Variants in ANKRD28 observed in about 807,000 individuals in gnomAD.
The protein encoded by ANKRD28 is ankyrin repeat domain 28, also known as serine/threonine-protein phosphatase 6 regulatory ankyrin repeat subunit A.
A neutral mutation model predicts 126.5 loss-of-function variants in ANKRD28; 44 were observed. The observed-to-expected ratio is 0.35, with a 90% confidence interval of 0.27 to 0.45. ANKRD28 has a LOEUF of 0.45. ANKRD28 is among the 20% of genes least tolerant of loss of function. ANKRD28 has a pLI of 1.00. For synonymous variants in ANKRD28, 442 were observed against 468.5 expected (o/e 0.94, Z 0.73); for missense variants, 1,110 against 1,316.6 (o/e 0.84, Z 2.43).
intron 4 of ANKRD28, among the ~76,000 whole-genome samples, chr3:15,742,859 C>T (rs1159803908): frequency 1.4e-5 from 2 of 147,468 alleles, no homozygotes; most frequent in Non-Finnish European, 3.0e-5. Flanking sequence ...CCAGCCACCA[C>T]CCCGTCTGGG....
intron 3 of ANKRD28, among the ~76,000 whole-genome samples, chr3:15,760,985 C>A (rs1559486612): frequency 6.6e-6 from 1 of 152,026 alleles, no homozygotes. Flanking sequence ...ACAAGTCAGA[C>A]ATAATAAAAA....
At chr3:15,746,662 G>A (rs887900838) in intron 4 of ANKRD28, among the ~76,000 whole-genome samples, 3 of 152,098 alleles carry the variant, frequency 2.0e-5, no homozygotes, top group African/African-American at 4.8e-5. Flanking sequence ...AGGGATATTG[G>A]TCTGTGGTTT....
intron 27 of ANKRD28, among the ~76,000 whole-genome samples, chr3:15,673,997 G>A (rs1302379590): frequency 4.0e-5 from 6 of 151,470 alleles, no homozygotes; most frequent in African/African-American, 1.5e-4. Flanking sequence ...ACAATATAGT[G>A]AGAGTCTGTC....
At chr3:15,852,173 CAATTT>C (rs1244112328) in intron 1 of ANKRD28, among the ~76,000 whole-genome samples, 5 of 152,118 alleles carry the variant, frequency 3.3e-5, no homozygotes, top group Non-Finnish European at 5.9e-5. Context: ...CTTAATTGTA[CAATTT>C]AAGTTTGTGT....
intron 17 of ANKRD28, among the ~76,000 whole-genome samples, chr3:15,692,047 GA>G (rs2068870822): frequency 6.6e-6 from 1 of 151,422 alleles, no homozygotes; most frequent in Non-Finnish European, 1.5e-5. Context: ...GGCTGAGGCG[GA>G]AGTATCACTT....
chr3:15,809,693 T>G (rs1195084184), intron 1 of ANKRD28, among the ~76,000 whole-genome samples: 1 of 152,140 alleles, frequency 6.6e-6, no homozygotes, highest in African/African-American at 2.4e-5. Context: ...ACTTTTGCAT[T>G]TAAGCCAATT....
intron 1 of ANKRD28, among the ~76,000 whole-genome samples, chr3:15,821,885 T>C (rs1401918888): frequency 6.6e-6 from 1 of 152,190 alleles, no homozygotes; most frequent in Non-Finnish European, 1.5e-5. Context: ...CTTGTCTTTG[T>C]TCCACCATGC....
At chr3:15,741,866 G>A (rs1217878153) in intron 4 of ANKRD28, among the ~76,000 whole-genome samples, 2 of 151,954 alleles carry the variant, frequency 1.3e-5, no homozygotes, top group Admixed American at 1.3e-4. Flanking sequence ...CCTGCCGAGT[G>A]CCTGCGATTG....
At chr3:15,859,575 G>GGCCGCCCGCC (rs2061861071) in exon 1 of ANKRD28, 1 of 300,628 alleles carries the variant, frequency 3.3e-6, no homozygotes, top group African/African-American at 2.6e-5. Context: ...CCGCCTCCCC[G>GGCCGCCCGCC]GCCGCCCGCC....
At chr3:15,734,187 T>G (rs569860770) in intron 6 of ANKRD28, among the ~76,000 whole-genome samples, 1 of 152,164 alleles carries the variant, frequency 6.6e-6, no homozygotes, top group African/African-American at 2.4e-5. Context: ...ATGCAAGGAT[T>G]TGGGTATAAG....
intron 1 of ANKRD28, among the ~76,000 whole-genome samples, chr3:15,856,729 C>T (rs1352110292): frequency 6.6e-6 from 1 of 152,204 alleles, no homozygotes; most frequent in Non-Finnish European, 1.5e-5. Context: ...GCTATGAGAA[C>T]AAATTGCTTT....
At position 15,720,980 on chromosome 3, in the gene ANKRD28, C is replaced by A; in HGVS notation, c.931G>T (p.Ala311Ser). 6.2e-7 allele frequency: 1 copy of A among 1,613,898 alleles called. No homozygotes were observed. Among genetic ancestry groups the A allele is most frequent in the Non-Finnish European group, 8.5e-7 (1 of 1,179,838 alleles). Residue 311 changes from alanine to serine, a missense_variant, in exon 8 of 28, where the codon GCA (alanine) becomes TCA (serine). Physicochemically the swap from Ala to Ser is moderately conservative, Grantham distance 99 (BLOSUM62 1). Coordinates refer to ENST00000683139, the MANE Select transcript of ANKRD28 (RefSeq NM_001349278.2). ...KGFTPLHFAA[A>S]STHGALCLEL... is the part of the protein sequence containing the mutation. ...AAACACAATGCTCCATGTGTTGATGCAGCAGCAAAGTGCAAAGGAGTAAAT... is the reference window on the plus strand; with the variant it reads ...AAACACAATGCTCCATGTGTTGATGAAGCAGCAAAGTGCAAAGGAGTAAAT...
At chr3:15,724,074 T>C (rs1182786464) in intron 7 of ANKRD28, among the ~76,000 whole-genome samples, 2 of 152,166 alleles carry the variant, frequency 1.3e-5, no homozygotes, top group African/African-American at 4.8e-5. Context: ...TATCTAATAA[T>C]ACAAGTGTGT....
chr3:15,769,521 AG>A (rs149069069), intron 2 of ANKRD28, among the ~76,000 whole-genome samples: 106 of 152,348 alleles, frequency 7.0e-4, no homozygotes, highest in African/African-American at 2.5e-3. Flanking sequence ...GCAAAATGCT[AG>A]TAACAACTTA....
rs1306565093 is a variant in ANKRD28 at position 15,766,224 on chromosome 3, G to T, written c.280+10C>A. The stretch of plus-strand genomic sequence containing the variant: ...CATAATGTGTTCTTATTACTCAGAG[G>T]TTACCATACCAGATAAAATAAGAAG... On this transcript the variant is annotated intron_variant, in intron 3 of 27. Coordinates refer to ENST00000683139, the MANE Select transcript of ANKRD28 (RefSeq NM_001349278.2). 1 of 1,604,316 alleles carries T rather than the reference G, an allele frequency of 6.2e-7. No individual in the cohort carries two copies. The highest frequency in any genetic ancestry group is 1.1e-5 in the South Asian group (1 of 89,862).
upstream of ANKRD28, among the ~76,000 whole-genome samples, chr3:15,800,479 T>A (rs2060440883): frequency 6.6e-6 from 1 of 152,124 alleles, no homozygotes; most frequent in African/African-American, 2.4e-5. Flanking sequence ...CTGAATGATA[T>A]CCCTTGTGAA....
In ANKRD28 at chr3:15,812,719, G is replaced by A. The variant is rs2125888983; in HGVS notation, c.28-17413C>T. Among the ~76,000 whole-genome samples, 1 of 152,272 alleles carries A rather than the reference G, an allele frequency of 6.6e-6. No individual in the cohort carries two copies. The highest frequency in any genetic ancestry group is 1.9e-4 in the East Asian group (1 of 5,172). On this transcript the variant is annotated intron_variant, in intron 1 of 27. Coordinates refer to the ANKRD28 transcript ENST00000399451. This position sits in a 1 kb window ranked among gnomAD's most constrained non-coding sequence, Gnocchi z 4.1. ...CTAGAAAATGGTTTAAAAAGTGTGTGAGGGGGTGAATTTCCAATGGAACTC... is the reference window on the plus strand; with the variant it reads ...CTAGAAAATGGTTTAAAAAGTGTGTAAGGGGGTGAATTTCCAATGGAACTC...
At chr3:15,767,757 G>A (rs1194920905) in intron 2 of ANKRD28, among the ~76,000 whole-genome samples, 2 of 140,116 alleles carry the variant, frequency 1.4e-5, no homozygotes, top group African/African-American at 2.6e-5. Context: ...ACGTGGTGGC[G>A]GGTGCCTGTA....
At chr3:15,811,559 A>T (rs2060711978) in intron 1 of ANKRD28, among the ~76,000 whole-genome samples, 1 of 152,010 alleles carries the variant, frequency 6.6e-6, no homozygotes, top group Admixed American at 6.5e-5. Context: ...GGTTCAAGCG[A>T]TTCTCCTGCC....
Sources: allele counts gnomAD v4.1 joint callset (sites outside exome capture counted in the v4.1 genomes callset), GRCh38; gene constraint gnomAD v4.1.1; non-coding constraint Gnocchi (gnomAD v3.1); transcripts MANE v1.5; gene names NCBI Gene and HGNC (gene_info 2026-07-23, HGNC 2026-07-21).